The following SLC25A29 variants were observed in gnomAD, a reference collection of about 807,000 sequenced individuals.
SLC25A29 encodes the protein mitochondrial basic amino acids transporter.
Under a neutral mutation model 10.0 loss-of-function variants are expected in SLC25A29, and 13 were observed. The ratio of observed to expected loss-of-function variants is 1.30; its 90% CI spans 0.85 to 2.07. The LOEUF is 2.07. SLC25A29 is among the 30% of genes most tolerant of loss of function. The pLI is 0.00. For missense variants in SLC25A29, 475 were observed against 447.6 expected (o/e 1.06, Z -0.55); for synonymous variants, 244 against 221.1 (o/e 1.10, Z -0.92).
intron 2 of SLC25A29, 38 bp downstream of exon 2, chr14:100,298,804 G>A: frequency 6.2e-7 from 1 of 1,613,962 alleles, no homozygotes; most frequent in Non-Finnish European, 8.5e-7. Flanking sequence ...TCTCTCCAAT[G>A]TACGCGCCGA....
At chr14:100,299,772 C>T in intron 1 of SLC25A29, 1 of 985,448 alleles carries the variant, frequency 1.0e-6, no homozygotes, top group Non-Finnish European at 1.2e-6. Flanking sequence ...ATGCTCCTCT[C>T]CCTGGAGTTT....
chr14:100,299,072 G>C, intron 1 of SLC25A29, 187 bp from the exon 2 acceptor site: 1 of 1,432,108 alleles, frequency 7.0e-7, no homozygotes, highest in Middle Eastern at 2.4e-4. Context: ...CCACTGGGAG[G>C]GTATGCATGT....
intron 1 of SLC25A29, chr14:100,299,593 A>G: frequency 3.0e-6 from 3 of 985,844 alleles, no homozygotes; most frequent in Non-Finnish European, 3.6e-6. Flanking sequence ...CTCTTGAAGG[A>G]CAAAGGTTCA....
At chr14:100,293,575 T>G in intron 2 of SLC25A29, 198 bp from the exon 3 acceptor site, 1 of 591,364 alleles carries the variant, frequency 1.7e-6, no homozygotes, top group Non-Finnish European at 3.0e-6. Flanking sequence ...GGCAAACAGC[T>G]AAAGGGACAG....
chr14:100,288,933 G>A (rs1001537826), downstream of SLC25A29, among the ~76,000 whole-genome samples: 2 of 152,188 alleles, frequency 1.3e-5, no homozygotes, highest in Non-Finnish European at 2.9e-5. Context: ...GATGTTTTTA[G>A]TTAAGATGAG....
At chr14:100,284,231 C>T in the SLC25A29 span, among the ~76,000 whole-genome samples, 2 of 152,220 alleles carry the variant, frequency 1.3e-5, no homozygotes, top group South Asian at 4.1e-4. Context: ...CCACTGGCTC[C>T]TTAGCTTGAA....
chr14:100,306,306 G>C lies in SLC25A29; in HGVS notation c.-74C>G. 2 of 1,298,760 alleles carry C rather than the reference G, an allele frequency of 1.5e-6. No homozygotes were observed. The highest frequency in any genetic ancestry group is 2.0e-6 in the Non-Finnish European group (2 of 1,024,624). 80.5% of individuals were successfully genotyped at this position (1,298,760 alleles called of 1,614,324 possible). A position where few individuals can be genotyped will look rare whatever the true frequency, so the allele number is the denominator to read the frequency against. ...GCCCCTCGCCGGGCTGGGCGCCGTC[G>C]GGGTCCCCGAGCGCGCGGTGCCGGG... On this transcript the variant is annotated 5_prime_UTR_variant, in exon 1 of 4. Coordinates refer to ENST00000359232, the MANE Select transcript of SLC25A29 (RefSeq NM_001039355.3).
Position 100,306,335 on chromosome 14 carries a change from G to C in SLC25A29, c.-103C>G, listed in dbSNP as rs11557209. 0.39 allele frequency: 453,423 copies of C among 1,158,422 alleles called. 89,084 individuals carry two copies. Among genetic ancestry groups the C allele is most frequent in the South Asian group, 0.43 (13,204 of 30,820 alleles). 71.8% of individuals were successfully genotyped at this position (1,158,422 alleles called of 1,614,324 possible). On this transcript the variant is annotated 5_prime_UTR_variant, in exon 1 of 4. Transcript: ENST00000359232. Reference sequence around the variant, plus strand: ...TCCCCGAGCGCGCGGTGCCGGGGCTGGGCCTGGCCGCTCCTCCTGGCGCGG... The same window carrying C: ...TCCCCGAGCGCGCGGTGCCGGGGCTCGGCCTGGCCGCTCCTCCTGGCGCGG...
intron 2 of SLC25A29, chr14:100,298,003 G>A (rs1270804402): frequency 6.6e-6 from 1 of 152,486 alleles, no homozygotes; most frequent in African/African-American, 2.4e-5. Context: ...CTTATGGTAA[G>A]TCACTGTCTC....
intron 1 of SLC25A29, among the ~76,000 whole-genome samples, chr14:100,303,618 G>A (rs1262566098): frequency 6.6e-6 from 1 of 152,210 alleles, no homozygotes; most frequent in East Asian, 1.9e-4. Context: ...GTGGGCTGTG[G>A]GGCCGGCCTC....
Position 100,299,883 on chromosome 14 carries a change from A to G in SLC25A29, c.35-998T>C, listed in dbSNP as rs1270053012. ...GAGTAACAAACTAACATTACGACCC[A>G]TTCTCACTCTTCCACTTGATGCCTG... is the stretch of plus-strand genomic sequence containing the variant. On this transcript the variant is annotated intron_variant, in intron 1 of 3. Coordinates refer to ENST00000359232, the MANE Select transcript of SLC25A29 (RefSeq NM_001039355.3). 5.1e-6 allele frequency: 5 copies of G among 985,326 alleles called. No homozygotes were observed. In the South Asian group the frequency reaches 1.4e-4, roughly 28 times the overall value. The allele number at this position is 985,326 out of a possible 1,614,324, so 61.0% of individuals were successfully genotyped here.
the SLC25A29 span, among the ~76,000 whole-genome samples, chr14:100,283,789 CT>C: frequency 6.6e-6 from 1 of 152,162 alleles, no homozygotes. Context: ...CCTGGAATTG[CT>C]TTCTTTAGAA....
chr14:100,299,361 C>T, intron 1 of SLC25A29: 1 of 1,014,794 alleles, frequency 9.9e-7, no homozygotes, highest in Non-Finnish European at 1.2e-6. Context: ...TGTCTCTGGG[C>T]CTCACTCTGG....
chr14:100,301,972 G>A (rs567454502), intron 1 of SLC25A29, among the ~76,000 whole-genome samples: 1 of 151,888 alleles, frequency 6.6e-6, no homozygotes, highest in Non-Finnish European at 1.5e-5. Context: ...TTGAGACCGT[G>A]AGACTCAATG....
chr14:100,294,067 A>C (rs1260740748), intron 2 of SLC25A29: 2 of 152,280 alleles, frequency 1.3e-5, no homozygotes, highest in African/African-American at 2.4e-5. Context: ...AGGTCATGCC[A>C]CTGCACTCCA....
intron 2 of SLC25A29, chr14:100,295,750 C>T: frequency 2.3e-6 from 3 of 1,289,486 alleles, no homozygotes; most frequent in Non-Finnish European, 3.0e-6. Flanking sequence ...AACATCACAT[C>T]CAGGCGCGGA....
chr14:100,292,360 C>T lies in SLC25A29; in HGVS notation c.835G>A (p.Glu279Lys), dbSNP rs1446884434. The T allele has an allele frequency of 4.6e-6, 7 of 1,505,386 alleles. No individual in the cohort carries two copies. The highest frequency in any genetic ancestry group is 3.9e-5 in the South Asian group (3 of 77,140). 93.3% of individuals were successfully genotyped at this position (1,505,386 alleles called of 1,614,324 possible). The change falls in exon 4 of 4, where the codon GAG (glutamate) becomes AAG (lysine). Residue 279 changes from glutamate (E) to lysine (K), a missense_variant. Coordinates refer to ENST00000359232, the MANE Select transcript of SLC25A29 (RefSeq NM_001039355.3). The stretch of plus-strand genomic sequence containing the variant: ...GCCTCGCCCTCGGGCCCGGCCTCCT[C>T]GCCGCGCGCGTAGGTGAGCACCACC... The part of the protein sequence containing the change: ...VTVVLTYARG[E>K]EAGPEGEAVP...
the SLC25A29 span, among the ~76,000 whole-genome samples, chr14:100,283,301 A>C: frequency 6.6e-6 from 1 of 152,154 alleles, no homozygotes; most frequent in African/African-American, 2.4e-5. Flanking sequence ...ACTTGAATAC[A>C]TGTGACTTTC....
At chr14:100,279,476 A>T in the SLC25A29 span, 1 of 152,206 alleles carries the variant, frequency 6.6e-6, no homozygotes, top group Admixed American at 6.5e-5. Context: ...CCTTTAAAAA[A>T]TTCATCCAGA....
Sources: gnomAD v4.1 joint callset for allele counts (sites outside exome capture counted in the v4.1 genomes callset) on GRCh38, gnomAD v4.1.1 for gene constraint, MANE v1.5 for transcripts, NCBI Gene and HGNC (gene_info 2026-07-23, HGNC 2026-07-21) for gene names.